The following DRC8 variants were observed in gnomAD, a reference collection of about 807,000 sequenced individuals.
DRC8 encodes the protein dynein regulatory complex protein 8.
the DRC8 span, among the ~76,000 whole-genome samples, chr1:245,118,840 A>T: frequency 3.3e-5 from 2 of 61,116 alleles, no homozygotes; most frequent in African/African-American, 8.6e-5. Flanking sequence ...GAAAAGAAAA[A>T]AATAATGATA....
chr1:244,995,333 C>T, the DRC8 span, among the ~76,000 whole-genome samples: 2 of 151,658 alleles, frequency 1.3e-5, no homozygotes, highest in African/African-American at 4.9e-5. Flanking sequence ...TGCACTCCAG[C>T]CTGAGTGACA....
At chr1:245,116,589 CAAGAGGA>C in the DRC8 span, among the ~76,000 whole-genome samples, 1 of 152,114 alleles carries the variant, frequency 6.6e-6, no homozygotes, top group Non-Finnish European at 1.5e-5. Flanking sequence ...CTCTCCAGGG[CAAGAGGA>C]AAGTGCCTAG....
chr1:244,982,795 A>C, the DRC8 span, among the ~76,000 whole-genome samples: 3 of 152,122 alleles, frequency 2.0e-5, no homozygotes, highest in Non-Finnish European at 4.4e-5. Context: ...TATTTGAAAA[A>C]ATGGGCTGAG....
chr1:245,082,522 G>T, the DRC8 span, among the ~76,000 whole-genome samples: 1 of 152,094 alleles, frequency 6.6e-6, no homozygotes, highest in African/African-American at 2.4e-5. Flanking sequence ...TAGAAGTCTT[G>T]TGCCCAGATA....
chr1:245,028,907 CT>C, the DRC8 span, among the ~76,000 whole-genome samples: 2 of 152,184 alleles, frequency 1.3e-5, no homozygotes, highest in African/African-American at 4.8e-5. Flanking sequence ...CCTGTTTTTA[CT>C]GAAATGGTTA....
At chr1:245,101,091 G>A in the DRC8 span, among the ~76,000 whole-genome samples, 1 of 152,026 alleles carries the variant, frequency 6.6e-6, no homozygotes, top group Non-Finnish European at 1.5e-5. Context: ...CACCATGTTG[G>A]CCAGGCTGGT....
At chr1:245,057,965 T>C in the DRC8 span, among the ~76,000 whole-genome samples, 1 of 152,182 alleles carries the variant, frequency 6.6e-6, no homozygotes. Context: ...TCCCAGCCTC[T>C]GGTAACCATC....
chr1:245,067,770 C>T, the DRC8 span, among the ~76,000 whole-genome samples: 6 of 152,092 alleles, frequency 3.9e-5, no homozygotes, highest in East Asian at 7.7e-4. Flanking sequence ...GACTTTACAT[C>T]GTTTGGAATT....
the DRC8 span, among the ~76,000 whole-genome samples, chr1:245,043,143 G>A: frequency 3.9e-5 from 6 of 152,102 alleles, no homozygotes; most frequent in African/African-American, 1.4e-4. Context: ...AAAAGAAATC[G>A]AATGTTGACT....
the DRC8 span, among the ~76,000 whole-genome samples, chr1:245,052,668 GAGA>G: frequency 6.6e-6 from 1 of 152,334 alleles, no homozygotes; most frequent in East Asian, 1.9e-4. Flanking sequence ...TGGGCAGGTG[GAGA>G]AGAATAGAGG....
chr1:245,015,725 AG>A, the DRC8 span: 4,527 of 237,328 alleles, frequency 0.019, 202 homozygotes, highest in African/African-American at 0.12. Context: ...AAAAAAAAAA[AG>A]AAAGAAAGAA....
chr1:245,103,669 A>G, the DRC8 span, among the ~76,000 whole-genome samples: 820 of 151,150 alleles, frequency 5.4e-3, 6 homozygotes, highest in African/African-American at 0.019. Flanking sequence ...TGTTTATTTC[A>G]GTCCTCCACC....
At chr1:244,986,153 C>G in the DRC8 span, among the ~76,000 whole-genome samples, 30 of 151,400 alleles carry the variant, frequency 2.0e-4, no homozygotes, top group South Asian at 4.2e-4. Flanking sequence ...CGGGGTTTCT[C>G]CATGTTGGTC....
At chr1:245,113,660 G>A in the DRC8 span, among the ~76,000 whole-genome samples, 3 of 152,048 alleles carry the variant, frequency 2.0e-5, no homozygotes, top group Admixed American at 6.6e-5. Flanking sequence ...GAACAGGAAC[G>A]AATGCTGGAA....
the DRC8 span, among the ~76,000 whole-genome samples, chr1:245,104,290 G>C: frequency 1.3e-5 from 2 of 151,964 alleles, no homozygotes; most frequent in South Asian, 4.2e-4. Flanking sequence ...GATCACCTGA[G>C]GTTAGGAGTT....
chr1:244,972,871 T>TA, the DRC8 span, among the ~76,000 whole-genome samples: 4 of 152,088 alleles, frequency 2.6e-5, no homozygotes, highest in Non-Finnish European at 5.9e-5. Context: ...TCATGTGCTG[T>TA]ATCTCATTTA....
chr1:244,978,466 A>C, the DRC8 span, among the ~76,000 whole-genome samples: 4 of 145,656 alleles, frequency 2.7e-5, no homozygotes, highest in Admixed American at 2.9e-4. Context: ...ACTCCAGCCT[A>C]GGCAACAAGA....
At chr1:245,074,109 C>T in the DRC8 span, among the ~76,000 whole-genome samples, 3 of 152,182 alleles carry the variant, frequency 2.0e-5, no homozygotes, top group East Asian at 5.8e-4. Flanking sequence ...ATATATTTAA[C>T]TTGACCAAAA....
the DRC8 span, among the ~76,000 whole-genome samples, chr1:245,026,886 A>G: frequency 6.6e-6 from 1 of 152,194 alleles, no homozygotes; most frequent in Non-Finnish European, 1.5e-5. Flanking sequence ...TCCTCAGAAT[A>G]GTGGTGTGAT....
Sources: gnomAD v4.1 joint callset for allele counts (sites outside exome capture counted in the v4.1 genomes callset) on GRCh38, gnomAD v4.1.1 for gene constraint, MANE v1.5 for transcripts, NCBI Gene and HGNC (gene_info 2026-07-23, HGNC 2026-07-21) for gene names.